RPTOR: variants seen among roughly 807,000 people sequenced by gnomAD.
The protein encoded by RPTOR is regulatory associated protein of MTOR complex 1.
Under a neutral mutation model 169.9 loss-of-function variants are expected in RPTOR, and 21 were observed. That is an observed-to-expected ratio of 0.12 (90% CI 0.09 to 0.18). RPTOR has a LOEUF of 0.18. Among genes scored for constraint, RPTOR ranks in the 10% least tolerant of loss-of-function variants. RPTOR has a pLI of 1.00. For synonymous variants in RPTOR, 732 were observed against 753.2 expected (o/e 0.97, Z 0.46); for missense variants, 1,133 against 1,855.9 (o/e 0.61, Z 7.16).
chr17:80,871,351 C>T (rs1010520594), intron 13 of RPTOR, among the ~76,000 whole-genome samples: 1 of 152,176 alleles, frequency 6.6e-6, no homozygotes, highest in African/African-American at 2.4e-5. Context: ...CTGCGTGAGC[C>T]ACCGCTCCCG....
In RPTOR at chr17:80,746,613, C is replaced by G. The variant is rs1271265274; in HGVS notation, c.655-7397C>G. Among the ~76,000 whole-genome samples the G allele has an allele frequency of 6.6e-6, 1 of 152,156 alleles. No homozygotes were observed. Among genetic ancestry groups the G allele is most frequent in the African/African-American group, 2.4e-5 (1 of 41,442 alleles). On this transcript the variant is annotated intron_variant, in intron 5 of 33. Transcript: ENST00000306801. The surrounding 1 kb of genome is among the most constrained non-coding windows in gnomAD (Gnocchi z 4.5). Reference sequence around the variant, plus strand: ...GTCCCTAGGCTCCCCGGAGAAACCCCTTTGGGTGCACGCTCACCTTAGGCT... The same window carrying G: ...GTCCCTAGGCTCCCCGGAGAAACCCGTTTGGGTGCACGCTCACCTTAGGCT...
At chr17:80,696,432 T>C (rs2066037025) in intron 3 of RPTOR, among the ~76,000 whole-genome samples, 1 of 152,222 alleles carries the variant, frequency 6.6e-6, no homozygotes, top group Non-Finnish European at 1.5e-5. Context: ...ACTGGGATAG[T>C]GGAGCTCGGC....
rs2144113901 is a variant in RPTOR at position 80,965,589 on chromosome 17, C to T, written c.*1259C>T. The T allele has an allele frequency of 4.3e-6, 1 of 233,382 alleles. No homozygotes were observed. The highest frequency in any genetic ancestry group is 6.0e-5 in the East Asian group (1 of 16,600). 14.5% of individuals were successfully genotyped at this position (233,382 alleles called of 1,614,324 possible). A position where few individuals can be genotyped will look rare whatever the true frequency, so the allele number is the denominator to read the frequency against. On this transcript the variant is annotated 3_prime_UTR_variant, in exon 34 of 34. Coordinates refer to ENST00000306801, the MANE Select transcript of RPTOR (RefSeq NM_020761.3). ...ATTGAGAGGTGAAGGAGCCAGGTGG[C>T]TTCATTCTGGCGGTGAGAGGCCCAC...
intron 28 of RPTOR, among the ~76,000 whole-genome samples, chr17:80,956,281 G>T (rs1041065563): frequency 1.3e-5 from 2 of 152,182 alleles, no homozygotes; most frequent in African/African-American, 2.4e-5. Flanking sequence ...GCTGAGTGGT[G>T]GGTACAAGGA....
rs554994991 is a variant in RPTOR at position 80,816,470 on chromosome 17, G to A, written c.891-5731G>A. ...TTGCACTTGATTTTACACACGTTCC[G>A]CTTGAGCTGTGATGCCAGGCAAGCC... On this transcript the variant is annotated intron_variant, in intron 7 of 33. Coordinates refer to ENST00000306801, the MANE Select transcript of RPTOR (RefSeq NM_020761.3). 8.5e-5 allele frequency among the ~76,000 whole-genome samples: 13 copies of A among 152,330 alleles called. No individual in the cohort carries two copies. The East Asian group carries it at 1.9e-3, about 23-fold the overall frequency.
intron 13 of RPTOR, among the ~76,000 whole-genome samples, chr17:80,871,265 C>A (rs772507807): frequency 1.3e-5 from 2 of 152,152 alleles, no homozygotes; most frequent in African/African-American, 4.8e-5. Context: ...GCCACCACGC[C>A]CGGCTAATTT....
chr17:80,634,824 CTG>C (rs1275018831), intron 2 of RPTOR, among the ~76,000 whole-genome samples: 1 of 130,656 alleles, frequency 7.7e-6, no homozygotes, highest in Admixed American at 7.7e-5. Flanking sequence ...TGTGTGCATA[CTG>C]TGTGTGTGTG....
At chr17:80,888,928 C>G (rs929935501) in intron 17 of RPTOR, among the ~76,000 whole-genome samples, 1 of 152,198 alleles carries the variant, frequency 6.6e-6, no homozygotes, top group South Asian at 2.1e-4. Flanking sequence ...CAGGGAGAGG[C>G]CCAGTGCAGG....
At chr17:80,774,437 G>A (rs2066873868) in intron 6 of RPTOR, 1 of 817,698 alleles carries the variant, frequency 1.2e-6, no homozygotes, top group Admixed American at 6.2e-5. Context: ...AGCAGACGTA[G>A]TGCATAAAAC....
In RPTOR at chr17:80,545,215, C is replaced by T. The variant is rs962101810; in HGVS notation, c.-415C>T. ...CAGCCCAGTCGGCCCAGTGGGCGAA[C>T]CGGCACCAAGAGCGGCCTGCCTGTC... On this transcript the variant is annotated 5_prime_UTR_variant, in exon 1 of 34. Transcript: ENST00000306801. The T allele has an allele frequency of 3.4e-5, 8 of 236,302 alleles. No homozygotes were observed. In the East Asian group the frequency reaches 4.2e-4, roughly 12 times the overall value. 14.6% of individuals were successfully genotyped at this position (236,302 alleles called of 1,614,324 possible).
At chr17:80,922,291 T>C (rs2143976051) in intron 21 of RPTOR, among the ~76,000 whole-genome samples, 2 of 152,124 alleles carry the variant, frequency 1.3e-5, no homozygotes, top group Admixed American at 1.3e-4. Flanking sequence ...AGCTGAGGTG[T>C]TGGGGAGAAT....
rs1251801555 is a variant in RPTOR, at chr17:80,544,934, A to T, written c.-696A>T. The T allele has an allele frequency of 4.3e-6, 1 of 230,208 alleles. No individual in the cohort carries two copies. The highest frequency in any genetic ancestry group is 8.6e-6 in the Non-Finnish European group (1 of 115,976). The allele number at this position is 230,208 out of a possible 1,614,324, so 14.3% of individuals were successfully genotyped here. A position where few individuals can be genotyped will look rare whatever the true frequency, so the allele number is the denominator to read the frequency against. On this transcript the variant is annotated 5_prime_UTR_variant, in exon 1 of 34. Coordinates refer to ENST00000306801, the MANE Select transcript of RPTOR (RefSeq NM_020761.3). ...AAAGCTCCCATGACCCAATAAGCCC[A>T]CATTGTCCCTTTCCTCCGTGGTTCC...
rs2066282274 is a variant in RPTOR at position 80,721,099 on chromosome 17, G to A, written c.508-9461G>A. Among the ~76,000 whole-genome samples, 2 of 151,002 alleles carry A rather than the reference G, an allele frequency of 1.3e-5. 1 individual carries two copies. The highest frequency in any genetic ancestry group is 5.0e-5 in the African/African-American group (2 of 40,338). Reference sequence around the variant, plus strand: ...GGTGAGGAGGGGCTACGTCTGCCGGGTCTCCAAGCAGGAGTGAGAACCAGC... The same window carrying A: ...GGTGAGGAGGGGCTACGTCTGCCGGATCTCCAAGCAGGAGTGAGAACCAGC... On this transcript the variant is annotated intron_variant, in intron 4 of 33. Coordinates refer to ENST00000306801, the MANE Select transcript of RPTOR (RefSeq NM_020761.3). The surrounding 1 kb of genome is among the most constrained non-coding windows in gnomAD (Gnocchi z 4.7).
intron 1 of RPTOR, among the ~76,000 whole-genome samples, chr17:80,596,539 T>C (rs972104612): frequency 6.6e-6 from 1 of 152,220 alleles, no homozygotes; most frequent in African/African-American, 2.4e-5. Context: ...AGTGGTTCTC[T>C]GTGATCAGGA....
chr17:80,823,355 G>GTTTA lies in RPTOR; in HGVS notation c.1136+132_1136+133insTTTA. 2 of 971,342 alleles carry GTTTA rather than the reference G, an allele frequency of 2.1e-6. No individual in the cohort carries two copies. Among genetic ancestry groups the GTTTA allele is most frequent in the Non-Finnish European group, 2.8e-6 (2 of 724,808 alleles). 60.2% of individuals were successfully genotyped at this position (971,342 alleles called of 1,614,324 possible). A position where few individuals can be genotyped will look rare whatever the true frequency, so the allele number is the denominator to read the frequency against. On this transcript the variant is annotated intron_variant, in intron 9 of 33. Transcript: ENST00000306801. This position sits in a 1 kb window ranked among gnomAD's most constrained non-coding sequence, Gnocchi z 4.5. Reference sequence around the variant, plus strand: ...GGGACCCCGTGTAGCATTAACAAGTGAAGCTAAATGCAGGGCTCCCAGAGA... The same window carrying GTTTA: ...GGGACCCCGTGTAGCATTAACAAGTGTTTAAAGCTAAATGCAGGGCTCCCAGAGA...
At chr17:80,717,448 T>C (rs2066248501) in intron 4 of RPTOR, among the ~76,000 whole-genome samples, 1 of 152,216 alleles carries the variant, frequency 6.6e-6, no homozygotes, top group African/African-American at 2.4e-5. Context: ...GCCAAGTCTT[T>C]CTTGGTTGTA....
Position 80,735,862 on chromosome 17 carries a change from A to G in RPTOR, c.654+5156A>G, listed in dbSNP as rs555074788. Among the ~76,000 whole-genome samples, 559 of 152,264 alleles carry G rather than the reference A, an allele frequency of 3.7e-3. 3 individuals carry two copies. The highest frequency in any genetic ancestry group is 5.5e-3 in the Non-Finnish European group (372 of 68,028). On this transcript the variant is annotated intron_variant, in intron 5 of 33. Transcript: ENST00000306801. ...CCTGGAGAGCAGGTTGCTGTGTGTCAGAAGAGTCTTGTATGAAAGTTCAGC... is the reference window on the plus strand; with the variant it reads ...CCTGGAGAGCAGGTTGCTGTGTGTCGGAAGAGTCTTGTATGAAAGTTCAGC...
intron 6 of RPTOR, among the ~76,000 whole-genome samples, chr17:80,757,096 G>A (rs2066688238): frequency 6.6e-6 from 1 of 152,158 alleles, no homozygotes; most frequent in African/African-American, 2.4e-5. Context: ...GGGTCGAGAT[G>A]GGAAACAGAA....
intron 6 of RPTOR, among the ~76,000 whole-genome samples, chr17:80,762,230 C>G (rs1032832237): frequency 6.6e-6 from 1 of 152,208 alleles, no homozygotes; most frequent in Non-Finnish European, 1.5e-5. Flanking sequence ...TGGAGGGGCA[C>G]GGGCTGCTGA....
Sources: gnomAD v4.1 joint callset for allele counts (sites outside exome capture counted in the v4.1 genomes callset) on GRCh38, gnomAD v4.1.1 for gene constraint, Gnocchi (gnomAD v3.1) non-coding constraint, MANE v1.5 for transcripts, NCBI Gene and HGNC (gene_info 2026-07-23, HGNC 2026-07-21) for gene names.